WWOX: variants seen among roughly 807,000 people sequenced by gnomAD.
WWOX encodes WW domain containing oxidoreductase.
WWOX carries 69 observed loss-of-function variants against 46.2 expected under a neutral mutation model. The ratio of observed to expected loss-of-function variants is 1.49; its 90% CI spans 1.23 to 1.82. The LOEUF (loss-of-function observed/expected upper bound fraction) is 1.82. Among genes scored for constraint, WWOX ranks in the 40% most tolerant of loss-of-function variants. WWOX has a pLI of 0.00. For synonymous variants in WWOX, 359 were observed against 202.6 expected (o/e 1.77, Z -6.56); for missense variants, 919 against 542.6 (o/e 1.69, Z -6.89).
intron 8 of WWOX, among the ~76,000 whole-genome samples, chr16:78,692,273 G>T (rs1162608112): frequency 6.6e-6 from 1 of 152,198 alleles, no homozygotes; most frequent in African/African-American, 2.4e-5. Context: ...AAATGGAAGA[G>T]AAGCAACAAC....
At chr16:78,563,673 G>T (rs1328121233) in intron 8 of WWOX, among the ~76,000 whole-genome samples, 3 of 151,986 alleles carry the variant, frequency 2.0e-5, no homozygotes, top group African/African-American at 2.4e-5. Flanking sequence ...AATGATTAGT[G>T]ATCTGATTCA....
intron 8 of WWOX, among the ~76,000 whole-genome samples, chr16:78,690,734 A>C (rs139285521): frequency 2.3e-3 from 344 of 152,254 alleles, no homozygotes; most frequent in African/African-American, 8.0e-3. Flanking sequence ...TGTATGAATA[A>C]ACTTCTACCA....
At chr16:79,088,516 A>G (rs1567541611) in intron 8 of WWOX, among the ~76,000 whole-genome samples, 1 of 152,226 alleles carries the variant, frequency 6.6e-6, no homozygotes, top group African/African-American at 2.4e-5. Context: ...GGCCGCTGCA[A>G]ATATGACGGA....
At chr16:78,190,244 G>C (rs1436753235) in intron 5 of WWOX, among the ~76,000 whole-genome samples, 1 of 152,212 alleles carries the variant, frequency 6.6e-6, no homozygotes. Context: ...CCTAGGAGGT[G>C]CAGGGATGTT....
intron 8 of WWOX, among the ~76,000 whole-genome samples, chr16:78,620,277 G>C (rs959775059): frequency 6.6e-6 from 1 of 152,208 alleles, no homozygotes; most frequent in Non-Finnish European, 1.5e-5. Context: ...GTACAGAAGA[G>C]GATTGGCCCA....
intron 8 of WWOX, among the ~76,000 whole-genome samples, chr16:78,771,852 A>T (rs950569013): frequency 1.3e-5 from 2 of 152,118 alleles, no homozygotes; most frequent in African/African-American, 4.8e-5. Context: ...TAACGAGTTC[A>T]GTCTAGCTCT....
intron 8 of WWOX, among the ~76,000 whole-genome samples, chr16:79,124,027 T>C (rs1160868720): frequency 2.6e-5 from 4 of 152,112 alleles, no homozygotes; most frequent in African/African-American, 7.2e-5. Flanking sequence ...GAGCCCCTGA[T>C]TGTCTTATTA....
intron 8 of WWOX, among the ~76,000 whole-genome samples, chr16:79,087,289 T>C (rs541025815): frequency 5.3e-5 from 8 of 152,272 alleles, no homozygotes; most frequent in African/African-American, 1.9e-4. Flanking sequence ...TCCGGAATGT[T>C]CTCAGAAAAT....
intron 5 of WWOX, among the ~76,000 whole-genome samples, chr16:78,242,495 G>A (rs1008412989): frequency 3.9e-5 from 6 of 152,178 alleles, no homozygotes; most frequent in African/African-American, 1.4e-4. Context: ...TTTATAATGA[G>A]GAGTTTTCTT....
At chr16:78,695,350 C>A (rs2048076656) in intron 8 of WWOX, among the ~76,000 whole-genome samples, 1 of 152,106 alleles carries the variant, frequency 6.6e-6, no homozygotes, top group South Asian at 2.1e-4. Flanking sequence ...TATGTCCCTC[C>A]CTCATTTTTT....
At chr16:78,909,666 C>A (rs1023029429) in intron 8 of WWOX, among the ~76,000 whole-genome samples, 1 of 152,178 alleles carries the variant, frequency 6.6e-6, no homozygotes, top group Admixed American at 6.5e-5. Context: ...ACCTCTGTGT[C>A]CATCCCACTA....
intron 8 of WWOX, chr16:78,899,549 G>T (rs545610758): frequency 1.3e-5 from 2 of 152,256 alleles, no homozygotes; most frequent in South Asian, 4.1e-4. Context: ...GAAACAGTGG[G>T]TTTATATTTC....
chr16:79,210,562 A>T (rs1188072671), intron 8 of WWOX, among the ~76,000 whole-genome samples: 1 of 152,142 alleles, frequency 6.6e-6, no homozygotes, highest in African/African-American at 2.4e-5. Context: ...CCTCTCTTGC[A>T]ACCCCTCTCC....
chr16:78,294,161 G>A (rs1232103406), intron 5 of WWOX, among the ~76,000 whole-genome samples: 15 of 151,976 alleles, frequency 9.9e-5, no homozygotes, highest in Admixed American at 9.8e-4. Context: ...TGTCTGGGTT[G>A]CTCAGATAGA....
intron 8 of WWOX, among the ~76,000 whole-genome samples, chr16:79,049,610 G>T (rs1217260296): frequency 2.0e-5 from 3 of 152,098 alleles, no homozygotes; most frequent in African/African-American, 7.2e-5. Flanking sequence ...GGCCGAGGTG[G>T]GTGGATCACG....
At chr16:78,446,888 T>C (rs1198533220) in intron 8 of WWOX, among the ~76,000 whole-genome samples, 1 of 152,102 alleles carries the variant, frequency 6.6e-6, no homozygotes, top group Admixed American at 6.6e-5. Flanking sequence ...CATGAACTTC[T>C]GACCTCAAGG....
At chr16:79,025,968 T>A (rs1158810768) in intron 8 of WWOX, among the ~76,000 whole-genome samples, 1 of 148,698 alleles carries the variant, frequency 6.7e-6, no homozygotes, top group Non-Finnish European at 1.5e-5. Context: ...CGAGCTAATG[T>A]TTTTGGATTT....
intron 8 of WWOX, among the ~76,000 whole-genome samples, chr16:78,657,505 G>C (rs1268256609): frequency 2.6e-5 from 4 of 152,182 alleles, no homozygotes; most frequent in Non-Finnish European, 5.9e-5. Context: ...AGTAAAAGGA[G>C]AACACAGAAG....
chr16:78,579,405 C>T (rs1027925218), intron 8 of WWOX, among the ~76,000 whole-genome samples: 1 of 152,046 alleles, frequency 6.6e-6, no homozygotes, highest in African/African-American at 2.4e-5. Context: ...ACTGAGTTCA[C>T]CAGGCAAACT....
Sources: gnomAD v4.1 joint callset for allele counts (sites outside exome capture counted in the v4.1 genomes callset) on GRCh38, gnomAD v4.1.1 for gene constraint, MANE v1.5 for transcripts, NCBI Gene and HGNC (gene_info 2026-07-23, HGNC 2026-07-21) for gene names.